Variants in C2CD5 observed in about 807,000 individuals in gnomAD.
C2CD5 encodes the protein C2 domain-containing protein 5.
In C2CD5, 109 loss-of-function variants were observed where a neutral mutation model predicts 130.3. The ratio of observed to expected loss-of-function variants is 0.84; its 90% CI spans 0.72 to 0.98. The LOEUF (loss-of-function observed/expected upper bound fraction) is 0.98, where lower values mean the gene tolerates loss of function less well. C2CD5 is among the 50% of genes least tolerant of loss of function. The pLI, the probability that C2CD5 is intolerant of heterozygous loss-of-function variation, is 0.00. For missense variants in C2CD5, 996 were observed against 1,261.8 expected (o/e 0.79, Z 3.19); for synonymous variants, 454 against 429.2 (o/e 1.06, Z -0.71).
At position 22,478,383 on chromosome 12, in the gene C2CD5, A is replaced by T. The variant is rs1221690437; in HGVS notation, c.1832T>A (p.Ile611Asn). 6.2e-7 allele frequency: 1 copy of T among 1,612,968 alleles called. No homozygotes were observed. Among genetic ancestry groups the T allele is most frequent in the Admixed American group, 1.7e-5 (1 of 59,998 alleles). Residue 611 changes from isoleucine (I) to asparagine (N), a missense_variant, in exon 15 of 27, where the codon ATC becomes AAC. Physicochemically the swap from Ile to Asn is moderately radical, Grantham distance 149 (BLOSUM62 -3). Coordinates refer to ENST00000446597, the MANE Select transcript of C2CD5 (RefSeq NM_001286176.2). ...TPNDGSYEQH[I>N]SHMQKKINDT... ...ATTTATCTTCTTCTGCATATGAGAG[A>T]TGTGTTGTTCATATGAGCCATCATT... is the stretch of plus-strand genomic sequence containing the variant.
At chr12:22,490,023 T>C in intron 12 of C2CD5, 100 bp downstream of exon 12, 1 of 795,454 alleles carries the variant, frequency 1.3e-6, no homozygotes, top group Non-Finnish European at 2.1e-6. Context: ...TGTACCCCTG[T>C]AAGCCACCCT....
intron 11 of C2CD5, among the ~76,000 whole-genome samples, chr12:22,491,595 C>T (rs537953859): frequency 1.3e-5 from 2 of 152,172 alleles, no homozygotes; most frequent in Admixed American, 1.3e-4. Flanking sequence ...TATCTCTGGC[C>T]GGGTGTGGTG....
In C2CD5 at chr12:22,464,430, A is replaced by T. The variant is rs115017166; in HGVS notation, c.2534-4888T>A. Among the ~76,000 whole-genome samples, 437 of 151,692 alleles carry T rather than the reference A, an allele frequency of 2.9e-3. 3 individuals carry two copies. Among genetic ancestry groups the T allele is most frequent in the African/African-American group, 0.01 (415 of 41,336 alleles). ...CGTTTTCTGTCAGTAACTCAATGCA[A>T]TTTTCCTTTGCTTTTTACTCCCTCT... On this transcript the variant is annotated intron_variant, in intron 22 of 26. Transcript: ENST00000446597.
chr12:22,481,649 C>CTTTTT (rs34990025), intron 14 of C2CD5, among the ~76,000 whole-genome samples: 13 of 116,446 alleles, frequency 1.1e-4, no homozygotes, highest in South Asian at 6.0e-4. Context: ...AGAAACACAC[C>CTTTTT]TTTTTTTTTT....
At chr12:22,536,285 A>C (rs1951811067) in intron 2 of C2CD5, among the ~76,000 whole-genome samples, 1 of 152,186 alleles carries the variant, frequency 6.6e-6, no homozygotes, top group South Asian at 2.1e-4. Context: ...TGTGAAAGAG[A>C]AGCTGACTCA....
intron 14 of C2CD5, among the ~76,000 whole-genome samples, chr12:22,481,580 C>T (rs1312559776): frequency 1.3e-5 from 2 of 150,738 alleles, no homozygotes; most frequent in African/African-American, 2.4e-5. Flanking sequence ...GCTAACAAGC[C>T]AAAATGAACA....
chr12:22,518,801 C>T (rs1166409910), intron 7 of C2CD5, among the ~76,000 whole-genome samples: 2 of 152,134 alleles, frequency 1.3e-5, no homozygotes, highest in African/African-American at 4.8e-5. Context: ...TATTTTTAAA[C>T]AAATGCAGAA....
At chr12:22,483,789 C>T (rs1945068930) in intron 13 of C2CD5, among the ~76,000 whole-genome samples, 1 of 152,152 alleles carries the variant, frequency 6.6e-6, no homozygotes, top group Admixed American at 6.6e-5. Flanking sequence ...GCATGAAGAA[C>T]TGGATAGAGA....
intron 22 of C2CD5, among the ~76,000 whole-genome samples, chr12:22,464,747 A>G (rs188590795): frequency 6.6e-6 from 1 of 152,190 alleles, no homozygotes; most frequent in Non-Finnish European, 1.5e-5. Context: ...GTGACAAAAT[A>G]TATTTTTTAA....
At chr12:22,521,241 G>C (rs1466779686) in intron 7 of C2CD5, among the ~76,000 whole-genome samples, 2 of 152,088 alleles carry the variant, frequency 1.3e-5, no homozygotes, top group Non-Finnish European at 2.9e-5. Context: ...AAATAAAACA[G>C]CCTGAGTATT....
chr12:22,513,340 A>C lies in C2CD5; in HGVS notation c.992T>G (p.Phe331Cys). Reference protein sequence around the residue: ...SGSAGKEGGPFKALLRQQTQS... With the variant: ...SGSAGKEGGPCKALLRQQTQS... Reference sequence around the variant, plus strand: ...AGTCTGTTGTCTTAAAAGAGCTTTAAAGGGCCCCCCTTCTTTTCCAGCACT... The same window carrying C: ...AGTCTGTTGTCTTAAAAGAGCTTTACAGGGCCCCCCTTCTTTTCCAGCACT... Residue 331 changes from phenylalanine to cysteine, a missense_variant, in exon 9 of 27, where the codon TTT becomes TGT. By Grantham distance (205) the Phe-to-Cys change is radical (BLOSUM62 -2). Coordinates refer to ENST00000446597, the MANE Select transcript of C2CD5 (RefSeq NM_001286176.2). The C allele has an allele frequency of 6.2e-7, 1 of 1,612,626 alleles. No individual in the cohort carries two copies. Among genetic ancestry groups the C allele is most frequent in the African/African-American group, 1.3e-5 (1 of 74,994 alleles).
intron 13 of C2CD5, 169 bp downstream of exon 13, chr12:22,484,528 C>T: frequency 2.4e-6 from 1 of 415,914 alleles, no homozygotes; most frequent in Admixed American, 4.3e-5. Context: ...GAGTTTTACA[C>T]AGAGGGTTTT....
intron 5 of C2CD5, 128 bp from the exon 6 acceptor site, chr12:22,524,755 T>G: frequency 1.6e-6 from 1 of 620,270 alleles, no homozygotes; most frequent in Non-Finnish European, 2.8e-6. Flanking sequence ...ATATTTTCAA[T>G]GTAATTATAA....
At chr12:22,463,764 T>TA (rs1854316914) in intron 22 of C2CD5, 1 of 152,212 alleles carries the variant, frequency 6.6e-6, no homozygotes, top group Admixed American at 6.5e-5. Context: ...TCTAAATAAT[T>TA]AAAAAATATT....
chr12:22,484,864 A>T lies in C2CD5; in HGVS notation c.1383T>A (p.Arg461=), dbSNP rs768456664. The T allele has an allele frequency of 6.5e-7, 1 of 1,549,480 alleles. No homozygotes were observed. Among genetic ancestry groups the T allele is most frequent in the South Asian group, 1.3e-5 (1 of 78,278 alleles). The change falls in exon 13 of 27, where the codon CGT becomes CGA. Residue 461 remains arginine (R), a synonymous_variant. Transcript: ENST00000446597. ...EQRLEENLPT[R]CGFCHIPYDE... is the part of the protein sequence containing the mutation. ...CATATGGTATATGACAAAATCCACA[A>T]CGTGTAGGCAAATTTTCTTCAAGCC...
chr12:22,491,321 T>C (rs1301546804), intron 11 of C2CD5, among the ~76,000 whole-genome samples: 1 of 152,172 alleles, frequency 6.6e-6, no homozygotes, highest in Non-Finnish European at 1.5e-5. Flanking sequence ...TTTTTTTTGC[T>C]ACTCTTTTAA....
intron 2 of C2CD5, among the ~76,000 whole-genome samples, chr12:22,539,376 C>G (rs1046640297): frequency 1.3e-5 from 2 of 152,128 alleles, no homozygotes; most frequent in Non-Finnish European, 2.9e-5. Context: ...AGTTTCCTTC[C>G]TCTAGTCCTC....
intron 10 of C2CD5, among the ~76,000 whole-genome samples, chr12:22,500,014 C>T (rs1947554410): frequency 6.6e-6 from 1 of 151,902 alleles, no homozygotes; most frequent in Non-Finnish European, 1.5e-5. Flanking sequence ...ATGGTGAAAC[C>T]CCATCTCTAC....
chr12:22,484,935 A>G (rs1945270871), intron 12 of C2CD5, 47 bp from the exon 13 acceptor site: 1 of 955,406 alleles, frequency 1.0e-6, no homozygotes, highest in Non-Finnish European at 1.5e-6. Context: ...AAATGTACCA[A>G]TTTTTTCAAA....
Sources: allele counts gnomAD v4.1 joint callset (sites outside exome capture counted in the v4.1 genomes callset), GRCh38; gene constraint gnomAD v4.1.1; transcripts MANE v1.5; gene names NCBI Gene and HGNC (gene_info 2026-07-23, HGNC 2026-07-21).